Variants in SH3PXD2A observed in about 807,000 individuals in gnomAD.
The protein encoded by SH3PXD2A is SH3 and PX domain-containing protein 2A.
SH3PXD2A carries 32 observed loss-of-function variants against 115.2 expected under a neutral mutation model. The ratio of observed to expected loss-of-function variants is 0.28; its 90% CI spans 0.21 to 0.37. The LOEUF (loss-of-function observed/expected upper bound fraction) is 0.37. Among genes scored for constraint, SH3PXD2A ranks in the 10% least tolerant of loss-of-function variants. SH3PXD2A has a pLI of 1.00. For synonymous variants in SH3PXD2A, 610 were observed against 629.1 expected, an observed-to-expected ratio of 0.97 and a Z score of 0.45; for missense variants, 1,328 against 1,498.7, an observed-to-expected ratio of 0.89 and a Z score of 1.88.
intron 2 of SH3PXD2A, among the ~76,000 whole-genome samples, chr10:103,796,221 G>C (rs1310359294): frequency 1.3e-5 from 2 of 151,660 alleles, no homozygotes; most frequent in Non-Finnish European, 2.9e-5. Flanking sequence ...AAATTAGCTA[G>C]TCATAGTGGC....
chr10:103,703,854 C>A (rs544487134), intron 5 of SH3PXD2A, among the ~76,000 whole-genome samples: 1 of 152,064 alleles, frequency 6.6e-6, no homozygotes, highest in African/African-American at 2.4e-5. Context: ...TCCCATGGTG[C>A]GTGTGTGCAT....
Position 103,855,541 on chromosome 10 carries a change from C to A in SH3PXD2A, c.-275G>T, listed in dbSNP as rs1271330349. The A allele has an allele frequency of 6.6e-6, 1 of 150,902 alleles. No individual in the cohort carries two copies. Among genetic ancestry groups the A allele is most frequent in the African/African-American group, 2.4e-5 (1 of 41,154 alleles). The allele number at this position is 150,902 out of a possible 1,614,324, so 9.3% of individuals were successfully genotyped here. A position where few individuals can be genotyped will look rare whatever the true frequency, so the allele number is the denominator to read the frequency against. ...GGCCGCCGCGCTGCGCTCGCCCGCT[C>A]GCTCTCTCCGCCGCCCGGTGGGTCC... On this transcript the variant is annotated 5_prime_UTR_variant, in exon 1 of 15. Coordinates refer to ENST00000369774, the MANE Select transcript of SH3PXD2A (RefSeq NM_001394015.1).
chr10:103,779,131 C>T lies in SH3PXD2A; in HGVS notation c.154-11962G>A, dbSNP rs536833945. ...TCGCCCAGGCTGGAGTGTACTGACACGATCCCGGCTCACTGCAATCTCTGC... is the reference window on the plus strand; with the variant it reads ...TCGCCCAGGCTGGAGTGTACTGACATGATCCCGGCTCACTGCAATCTCTGC... On this transcript the variant is annotated intron_variant, in intron 2 of 14. Transcript: ENST00000369774. 3.3e-5 allele frequency among the ~76,000 whole-genome samples: 5 copies of T among 152,292 alleles called. No homozygotes were observed. The South Asian group carries it at 6.2e-4, about 19-fold the overall frequency.
At chr10:103,677,340 T>C (rs1416502449) in intron 6 of SH3PXD2A, among the ~76,000 whole-genome samples, 2 of 152,084 alleles carry the variant, frequency 1.3e-5, no homozygotes, top group African/African-American at 4.8e-5. Flanking sequence ...TCATGTAGGT[T>C]TGGGGAGACA....
At chr10:103,648,512 G>A (rs868018089) in intron 8 of SH3PXD2A, among the ~76,000 whole-genome samples, 2 of 152,172 alleles carry the variant, frequency 1.3e-5, no homozygotes, top group South Asian at 2.1e-4. Context: ...CAGCCCAGCC[G>A]ACAGGGAGAG....
chr10:103,692,863 G>A (rs1226856428), intron 6 of SH3PXD2A, among the ~76,000 whole-genome samples, 165 bp downstream of exon 6: 1 of 152,172 alleles, frequency 6.6e-6, no homozygotes, highest in Non-Finnish European at 1.5e-5. Flanking sequence ...ATGGACTGAG[G>A]AGGGGCAAGT....
At chr10:103,699,870 C>G (rs554422169) in intron 5 of SH3PXD2A, among the ~76,000 whole-genome samples, 3 of 152,322 alleles carry the variant, frequency 2.0e-5, no homozygotes, top group Non-Finnish European at 4.4e-5. Flanking sequence ...TGTGGCTTGT[C>G]CAGAGGGGCC....
intron 8 of SH3PXD2A, among the ~76,000 whole-genome samples, chr10:103,649,715 C>A (rs184031661): frequency 2.0e-5 from 3 of 152,230 alleles, no homozygotes; most frequent in Non-Finnish European, 2.9e-5. Flanking sequence ...ATGGTGAGCA[C>A]GCTGAGCAGA....
At chr10:103,846,210 A>C (rs1842847157) in intron 1 of SH3PXD2A, among the ~76,000 whole-genome samples, 1 of 152,270 alleles carries the variant, frequency 6.6e-6, no homozygotes, top group South Asian at 2.1e-4. Flanking sequence ...ACAGGGACAG[A>C]GAAAGCAGCC....
intron 1 of SH3PXD2A, among the ~76,000 whole-genome samples, chr10:103,819,683 G>C (rs759581765): frequency 6.6e-5 from 10 of 152,084 alleles, no homozygotes; most frequent in Admixed American, 6.6e-5. Flanking sequence ...AACAGGTGTC[G>C]GGGAGATCTA....
chr10:103,678,025 C>A (rs1334263745), intron 6 of SH3PXD2A: 4 of 883,386 alleles, frequency 4.5e-6, no homozygotes, highest in Non-Finnish European at 6.5e-6. Flanking sequence ...CCCTGAAGGG[C>A]GTTGGCTCCC....
chr10:103,749,106 G>A (rs527333271), intron 3 of SH3PXD2A, among the ~76,000 whole-genome samples: 5 of 152,196 alleles, frequency 3.3e-5, no homozygotes, highest in African/African-American at 1.2e-4. Context: ...AGCCTGGCTG[G>A]TTTCGAACTC....
chr10:103,670,385 T>C (rs960604334), intron 6 of SH3PXD2A, among the ~76,000 whole-genome samples: 1 of 152,188 alleles, frequency 6.6e-6, no homozygotes, highest in Non-Finnish European at 1.5e-5. Context: ...TTAGATAATA[T>C]GTAATAGTGC....
At chr10:103,801,542 T>TACACACACACACACACACAA (rs1554925132) in intron 1 of SH3PXD2A, among the ~76,000 whole-genome samples, 180 bp from the exon 2 acceptor site, 4 of 142,860 alleles carry the variant, frequency 2.8e-5, no homozygotes, top group Non-Finnish European at 6.0e-5. Context: ...TATGTCTAAA[T>TACACACACACACACACACAA]ACACACACAC....
At chr10:103,605,970 C>G (rs536764977) in intron 13 of SH3PXD2A, 53 bp from the exon 14 acceptor site, 4 of 1,600,692 alleles carry the variant, frequency 2.5e-6, no homozygotes, top group South Asian at 1.1e-5. Context: ...AGAAGAGTAA[C>G]TTGGCCAAGG....
chr10:103,674,614 G>A (rs1283655707), intron 6 of SH3PXD2A, among the ~76,000 whole-genome samples: 19 of 152,210 alleles, frequency 1.2e-4, no homozygotes, highest in Non-Finnish European at 1.2e-4. Flanking sequence ...GAGGTCAGGA[G>A]TTTGAGACCA....
At chr10:103,754,826 A>G (rs2038621376) in intron 3 of SH3PXD2A, 2 of 152,160 alleles carry the variant, frequency 1.3e-5, no homozygotes, top group African/African-American at 4.8e-5. Context: ...ATGCACCTCT[A>G]CTTTGAGTCA....
chr10:103,829,805 C>A (rs1564899306), intron 1 of SH3PXD2A, among the ~76,000 whole-genome samples: 1 of 152,238 alleles, frequency 6.6e-6, no homozygotes, highest in Admixed American at 6.5e-5. Context: ...ACAGTTAGGA[C>A]TAATTATCCA....
intron 5 of SH3PXD2A, 52 bp from the exon 6 acceptor site, chr10:103,693,108 G>A (rs1319898488): frequency 1.3e-6 from 2 of 1,566,692 alleles, no homozygotes; most frequent in Non-Finnish European, 1.8e-6. Flanking sequence ...GCGCGAGCGC[G>A]GGGCTGCAGC....
Sources: gnomAD v4.1 joint callset for allele counts (sites outside exome capture counted in the v4.1 genomes callset) on GRCh38, gnomAD v4.1.1 for gene constraint, MANE v1.5 for transcripts, NCBI Gene and HGNC (gene_info 2026-07-23, HGNC 2026-07-21) for gene names.